KANK1: variants seen among roughly 807,000 people sequenced by gnomAD.
KANK1 encodes KN motif and ankyrin repeat domain-containing protein 1.
A neutral mutation model predicts 106.2 loss-of-function variants in KANK1; 109 were observed. The ratio of observed to expected loss-of-function variants is 1.03; its 90% confidence interval spans 0.88 to 1.20. The LOEUF is 1.20. KANK1 is among the 50% of genes most tolerant of loss of function. The pLI, the probability that KANK1 is intolerant of heterozygous loss-of-function variation, is 0.00. For synonymous variants in KANK1, 873 were observed against 652.2 expected, an observed-to-expected ratio of 1.34 and a Z score of -5.16; for missense variants, 2,399 against 1,710.7, an observed-to-expected ratio of 1.40 and a Z score of -7.10.
chr9:561,771 T>C (rs573771198), intron 1 of KANK1, among the ~76,000 whole-genome samples: 1 of 152,332 alleles, frequency 6.6e-6, no homozygotes, highest in African/African-American at 2.4e-5. Flanking sequence ...AGATGACTGT[T>C]TCATCTAGAA....
At chr9:576,138 C>G (rs1037798069) in intron 1 of KANK1, among the ~76,000 whole-genome samples, 2 of 152,336 alleles carry the variant, frequency 1.3e-5, no homozygotes, top group East Asian at 3.9e-4. Flanking sequence ...CCTATCAGAC[C>G]TACTGCTTAC....
intron 7 of KANK1, among the ~76,000 whole-genome samples, chr9:736,019 G>A (rs13287337): frequency 0.28 from 41,905 of 151,994 alleles, 6,584 homozygotes; most frequent in Non-Finnish European, 0.37. Context: ...GTGCAGTGGC[G>A]TGATCTCGGC....
In KANK1 at chr9:722,145, T is replaced by C. The variant is rs577050835; in HGVS notation, c.2699-7906T>C. ...CTAACTGTGGGTAGAATTTGGTTTA[T>C]AATTTAACCTTAAAGCAAGGATGAT... On this transcript the variant is annotated intron_variant, in intron 3 of 11. Coordinates refer to ENST00000382297, the MANE Select transcript of KANK1 (RefSeq NM_015158.5). Among the ~76,000 whole-genome samples the C allele has an allele frequency of 2.0e-5, 3 of 152,402 alleles. No individual in the cohort carries two copies. The East Asian group carries it at 5.8e-4, about 29-fold the overall frequency.
At chr9:716,587 G>C (rs1827755231) in intron 3 of KANK1, among the ~76,000 whole-genome samples, 1 of 152,126 alleles carries the variant, frequency 6.6e-6, no homozygotes, top group African/African-American at 2.4e-5. Flanking sequence ...CCGTGTCAAA[G>C]CTCAAAACGA....
intron 1 of KANK1, among the ~76,000 whole-genome samples, chr9:619,849 C>T (rs556443799): frequency 5.9e-5 from 9 of 152,076 alleles, no homozygotes; most frequent in African/African-American, 2.2e-4. Context: ...TAAATTCTTT[C>T]GTTGTGGCTG....
At chr9:736,761 G>C (rs972604179) in intron 7 of KANK1, among the ~76,000 whole-genome samples, 1 of 151,932 alleles carries the variant, frequency 6.6e-6, no homozygotes, top group Non-Finnish European at 1.5e-5. Context: ...TCTTGGATTT[G>C]TATTCATGAA....
At chr9:709,245 G>C (rs112466045) in intron 2 of KANK1, among the ~76,000 whole-genome samples, 3,232 of 152,300 alleles carry the variant, frequency 0.021, 112 homozygotes, top group African/African-American at 0.074. Flanking sequence ...ACAAAATAGA[G>C]TTGAAGTCTT....
rs1267356335 is a variant in KANK1 at position 745,936 on chromosome 9, T to C, written c.*701T>C. 1 of 152,676 alleles carries C rather than the reference T, an allele frequency of 6.5e-6. No homozygotes were observed. The highest frequency in any genetic ancestry group is 1.5e-5 in the Non-Finnish European group (1 of 68,044). The allele number at this position is 152,676 out of a possible 1,614,324, so 9.5% of individuals were successfully genotyped here. A position where few individuals can be genotyped will look rare whatever the true frequency, so the allele number is the denominator to read the frequency against. On this transcript the variant is annotated 3_prime_UTR_variant, in exon 12 of 12. Transcript: ENST00000382297. ...AACTCCAATGCTAAAGGTTGGATTGTGTTAGAGGAATCGGCTCTGTATTTG... is the reference window on the plus strand; with the variant it reads ...AACTCCAATGCTAAAGGTTGGATTGCGTTAGAGGAATCGGCTCTGTATTTG...
At chr9:533,851 TC>T (rs1197441843) in intron 1 of KANK1, among the ~76,000 whole-genome samples, 1 of 152,202 alleles carries the variant, frequency 6.6e-6, no homozygotes, top group East Asian at 1.9e-4. Context: ...TGTAGTTGCC[TC>T]TAAGCCATGC....
chr9:532,984 C>A (rs1340706422), intron 1 of KANK1, among the ~76,000 whole-genome samples: 1 of 152,142 alleles, frequency 6.6e-6, no homozygotes, highest in Non-Finnish European at 1.5e-5. Flanking sequence ...GCATCTCTGG[C>A]ACCATGTTGC....
chr9:567,308 A>C (rs1203906599), intron 1 of KANK1, among the ~76,000 whole-genome samples: 1 of 152,148 alleles, frequency 6.6e-6, no homozygotes, highest in Non-Finnish European at 1.5e-5. Context: ...TTTGCTTAGG[A>C]TTGCCTTCTA....
chr9:487,002 A>G (rs1384941280), intron 3 of KANK1, among the ~76,000 whole-genome samples: 1 of 152,226 alleles, frequency 6.6e-6, no homozygotes, highest in African/African-American at 2.4e-5. Flanking sequence ...TTAATATGAA[A>G]TTTTACATTT....
chr9:569,755 C>T (rs1234060244), intron 1 of KANK1, among the ~76,000 whole-genome samples: 1 of 152,016 alleles, frequency 6.6e-6, no homozygotes, highest in African/African-American at 2.4e-5. Context: ...TTTTGAATTT[C>T]ACTTCTATTT....
intron 1 of KANK1, among the ~76,000 whole-genome samples, chr9:529,272 G>T (rs1050870515): frequency 6.9e-6 from 1 of 145,938 alleles, no homozygotes; most frequent in African/African-American, 2.5e-5. Flanking sequence ...CACACACACA[G>T]ACACACACAC....
intron 1 of KANK1, among the ~76,000 whole-genome samples, chr9:605,721 G>T (rs1263481002): frequency 6.6e-6 from 1 of 151,782 alleles, no homozygotes; most frequent in Non-Finnish European, 1.5e-5. Context: ...GGCTGGGGAT[G>T]TTGAGGAGGG....
intron 1 of KANK1, among the ~76,000 whole-genome samples, chr9:648,453 A>C (rs534746784): frequency 4.6e-5 from 7 of 152,310 alleles, no homozygotes; most frequent in Admixed American, 4.6e-4. Flanking sequence ...CAGACATAGA[A>C]ATGTACCAAT....
At chr9:530,791 C>A (rs1587553862) in intron 1 of KANK1, among the ~76,000 whole-genome samples, 1 of 152,194 alleles carries the variant, frequency 6.6e-6, no homozygotes, top group East Asian at 1.9e-4. Context: ...GAGTTCAAGA[C>A]CAGCCTGGAC....
intron 10 of KANK1, 139 bp downstream of exon 10, chr9:742,544 C>T: frequency 1.6e-6 from 1 of 633,558 alleles, no homozygotes; most frequent in South Asian, 2.0e-5. Flanking sequence ...AGGTGCCTCC[C>T]TTCACAGCCA....
chr9:680,424 A>C (rs752659157), intron 2 of KANK1, among the ~76,000 whole-genome samples: 5 of 152,182 alleles, frequency 3.3e-5, no homozygotes, highest in Non-Finnish European at 7.3e-5. Flanking sequence ...ACTGCTTTTA[A>C]AACGAGCTAT....
Sources: gnomAD v4.1 joint callset for allele counts (sites outside exome capture counted in the v4.1 genomes callset) on GRCh38, gnomAD v4.1.1 for gene constraint, MANE v1.5 for transcripts, NCBI Gene and HGNC (gene_info 2026-07-23, HGNC 2026-07-21) for gene names.